The following PCDH7 variants were observed in gnomAD, a reference collection of about 807,000 sequenced individuals.
PCDH7 encodes the protein protocadherin-7.
PCDH7 carries 17 observed loss-of-function variants against 58.9 expected under a neutral mutation model. That is an observed-to-expected ratio of 0.29 (90% CI 0.20 to 0.43). The LOEUF (loss-of-function observed/expected upper bound fraction) is 0.43, where lower values mean the gene tolerates loss of function less well. Ranked by LOEUF, PCDH7 falls within the 20% of genes least tolerant of loss-of-function variation. The pLI is 1.00. For synonymous variants in PCDH7, 664 were observed against 616.4 expected (o/e 1.08, Z -1.14); for missense variants, 1,274 against 1,441.0 (o/e 0.88, Z 1.88).
In PCDH7 at chr4:31,016,656, T is replaced by G. The variant is rs74380717; in HGVS notation, c.*7+66441T>G. Among the ~76,000 whole-genome samples, 1,307 of 152,284 alleles carry G rather than the reference T, an allele frequency of 8.6e-3. 16 individuals are homozygous for G. Among genetic ancestry groups the G allele is most frequent in the African/African-American group, 0.029 (1,195 of 41,546 alleles). ...TTAAGGAAATAATAATTTTGTGGTC[T>G]GTTTGTATAAAATTAAATGGACAAA... On this transcript the variant is annotated intron_variant, in intron 3 of 3. Coordinates refer to the PCDH7 transcript ENST00000509759.
At chr4:31,106,962 T>G (rs1715650823) in intron 3 of PCDH7, among the ~76,000 whole-genome samples, 1 of 152,222 alleles carries the variant, frequency 6.6e-6, no homozygotes, top group Admixed American at 6.5e-5. Flanking sequence ...GCTCTTAACT[T>G]CTCTATCCTA....
chr4:30,898,303 C>G (rs569963903), intron 1 of PCDH7, among the ~76,000 whole-genome samples: 66 of 152,194 alleles, frequency 4.3e-4, no homozygotes, highest in African/African-American at 1.5e-3. Context: ...AGGGCTGGCA[C>G]TCACCCTTTC....
intron 1 of PCDH7, among the ~76,000 whole-genome samples, chr4:30,835,007 G>A (rs553120427): frequency 3.9e-5 from 6 of 151,982 alleles, no homozygotes; most frequent in Admixed American, 3.9e-4. Context: ...AGTGAGAATA[G>A]GAGAGCCATA....
chr4:30,961,411 G>A (rs531613464), intron 3 of PCDH7, among the ~76,000 whole-genome samples: 103 of 151,822 alleles, frequency 6.8e-4, no homozygotes, highest in Admixed American at 2.0e-3. Flanking sequence ...AATTTGCCAG[G>A]TGTGGTAGCG....
In PCDH7 at chr4:30,723,765, C is replaced by T; in HGVS notation, c.2343C>T (p.Tyr781=). Residue 781 remains tyrosine, a synonymous_variant, in exon 1 of 2, where the codon TAC becomes TAT. Coordinates refer to ENST00000361762, the Ensembl canonical transcript of PCDH7. The surrounding 1 kb of genome is among the most constrained non-coding windows in gnomAD (Gnocchi z 4.6). ...ATGGCATCAATGCAGACCTGAACTA[C>T]AGCATTGTGGGAGGAAATCCCTTCA... The T allele has an allele frequency of 6.2e-7, 1 of 1,614,160 alleles. No homozygotes were observed. Among genetic ancestry groups the T allele is most frequent in the Non-Finnish European group, 8.5e-7 (1 of 1,180,034 alleles).
chr4:30,749,199 A>T (rs1019509735), intron 1 of PCDH7, among the ~76,000 whole-genome samples: 1 of 152,232 alleles, frequency 6.6e-6, no homozygotes, highest in Admixed American at 6.5e-5. Flanking sequence ...ATTGACTATG[A>T]AGAAAAGGTG....
intron 3 of PCDH7, among the ~76,000 whole-genome samples, chr4:30,999,470 T>A (rs13136231): frequency 0.15 from 23,538 of 151,998 alleles, 3,146 homozygotes; most frequent in East Asian, 0.4. Context: ...TTCACAAATA[T>A]GCAGGGGAAA....
intron 3 of PCDH7, among the ~76,000 whole-genome samples, chr4:30,952,890 A>G (rs1747503981): frequency 6.6e-6 from 1 of 152,204 alleles, no homozygotes; most frequent in African/African-American, 2.4e-5. Context: ...TTAGGATTCA[A>G]GTCCAAATAT....
intron 3 of PCDH7, among the ~76,000 whole-genome samples, chr4:31,055,846 G>T (rs1356336944): frequency 6.6e-6 from 1 of 151,956 alleles, no homozygotes; most frequent in African/African-American, 2.4e-5. Context: ...CAAAGTGCTA[G>T]GATTACAGGC....
chr4:30,908,099 G>A (rs983890722), intron 1 of PCDH7, among the ~76,000 whole-genome samples: 10 of 152,016 alleles, frequency 6.6e-5, no homozygotes, highest in South Asian at 2.1e-4. Context: ...GGGCCGGTTC[G>A]GGGGTGAGGG....
chr4:31,110,434 G>C (rs541721187), intron 3 of PCDH7, among the ~76,000 whole-genome samples: 14 of 152,034 alleles, frequency 9.2e-5, no homozygotes, highest in African/African-American at 3.4e-4. Flanking sequence ...GATTTTATTT[G>C]TTCACTTATG....
At chr4:30,734,713 T>G (rs888552349), downstream of PCDH7, among the ~76,000 whole-genome samples, 1 of 152,172 alleles carries the variant, frequency 6.6e-6, no homozygotes, top group Non-Finnish European at 1.5e-5. Flanking sequence ...GTATTTCCAG[T>G]GCCCAGTAGA....
Position 31,011,852 on chromosome 4 carries a change from C to T in PCDH7, c.*7+61637C>T, listed in dbSNP as rs544869700. On this transcript the variant is annotated intron_variant, in intron 3 of 3. Coordinates refer to the PCDH7 transcript ENST00000509759. ...ATTTTCTTTTTTTAATACAGCATTC[C>T]TATACCATAATTATTTTTTAAGGTC... 4.6e-5 allele frequency among the ~76,000 whole-genome samples: 7 copies of T among 151,862 alleles called. No homozygotes were observed. In the East Asian group the frequency reaches 1.4e-3, roughly 29 times the overall value.
At chr4:31,087,163 C>T (rs1480622653) in intron 3 of PCDH7, among the ~76,000 whole-genome samples, 1 of 152,118 alleles carries the variant, frequency 6.6e-6, no homozygotes, top group Non-Finnish European at 1.5e-5. Flanking sequence ...AATAAACATA[C>T]AGCAGGTAGT....
intron 3 of PCDH7, among the ~76,000 whole-genome samples, chr4:31,026,678 T>C (rs1452980697): frequency 6.6e-6 from 1 of 152,188 alleles, no homozygotes; most frequent in Admixed American, 6.5e-5. Context: ...TAAAAGTTTC[T>C]ACACATTATT....
chr4:30,747,989 T>C (rs1264641440), intron 1 of PCDH7, among the ~76,000 whole-genome samples: 2 of 152,226 alleles, frequency 1.3e-5, no homozygotes, highest in African/African-American at 4.8e-5. Flanking sequence ...CAGAATAATT[T>C]ATTAGTGTTT....
intron 1 of PCDH7, among the ~76,000 whole-genome samples, chr4:30,772,056 G>C (rs974729759): frequency 2.0e-5 from 3 of 151,984 alleles, no homozygotes; most frequent in Non-Finnish European, 2.9e-5. Flanking sequence ...TTTTAGTAGA[G>C]ATGGGGTCTC....
At chr4:30,795,098 G>A (rs1490720624) in intron 1 of PCDH7, among the ~76,000 whole-genome samples, 1 of 152,146 alleles carries the variant, frequency 6.6e-6, no homozygotes, top group Non-Finnish European at 1.5e-5. Context: ...ATATGGATCA[G>A]TCTTTGAGAC....
chr4:30,908,811 C>A (rs932429614), intron 1 of PCDH7, among the ~76,000 whole-genome samples: 1 of 152,050 alleles, frequency 6.6e-6, no homozygotes, highest in Admixed American at 6.6e-5. Context: ...AAAAAGAGGG[C>A]CTCCTCCCTA....
Sources: gnomAD v4.1 joint callset for allele counts (sites outside exome capture counted in the v4.1 genomes callset) on GRCh38, gnomAD v4.1.1 for gene constraint, Gnocchi (gnomAD v3.1) non-coding constraint, MANE v1.5 for transcripts, NCBI Gene and HGNC (gene_info 2026-07-23, HGNC 2026-07-21) for gene names.